The following WWP1 variants were observed in gnomAD, a reference collection of about 807,000 sequenced individuals.
WWP1 encodes WW domain containing E3 ubiquitin protein ligase 1, also known as NEDD4-like E3 ubiquitin-protein ligase WWP1.
WWP1 carries 49 observed loss-of-function variants against 130.6 expected under a neutral mutation model. The ratio of observed to expected loss-of-function variants is 0.38; its 90% CI spans 0.30 to 0.48. WWP1 has a LOEUF of 0.48. Ranked by LOEUF, WWP1 falls within the 20% of genes least tolerant of loss-of-function variation. The pLI is 0.99. For synonymous variants in WWP1, 332 were observed against 367.8 expected (o/e 0.90, Z 1.11); for missense variants, 809 against 1,100.6 (o/e 0.74, Z 3.75).
chr8:86,451,214 T>TAAAAAAAAAAAAAAAAAAAAAAAAAA (rs61141803), intron 20 of WWP1, among the ~76,000 whole-genome samples: 1 of 43,680 alleles, frequency 2.3e-5, no homozygotes, highest in Non-Finnish European at 4.2e-5. Flanking sequence ...CCTATGTTAT[T>TAAAAAAAAAAAAAAAAAAAAAAAAAA]AAAAAAAAAA....
At position 86,460,790 on chromosome 8, in the gene WWP1, C is replaced by CTT. The variant is rs59506795; in HGVS notation, c.2500-398_2500-397dup. Among the ~76,000 whole-genome samples the CTT allele has an allele frequency of 6.9e-3, 432 of 62,396 alleles. 120 individuals are homozygous for CTT. Among genetic ancestry groups the CTT allele is most frequent in the Middle Eastern group, 0.011 (1 of 88 alleles). The allele number at this position is 62,396 out of a possible 152,430, so 40.9% of individuals were successfully genotyped here. ...ACCCTACAACCTCTTTTTAGCACAT[C>CTT]TTTTTTTTTTTTTTTTTTTTTTTTT... is the stretch of plus-strand genomic sequence containing the variant. On this transcript the variant is annotated intron_variant, in intron 22 of 24. Coordinates refer to ENST00000517970, the MANE Select transcript of WWP1 (RefSeq NM_007013.4).
At chr8:86,342,994 T>TGA (rs1822308411) in intron 1 of WWP1, 64 bp downstream of exon 1, 1 of 307,982 alleles carries the variant, frequency 3.2e-6, no homozygotes, top group Admixed American at 5.1e-5. Flanking sequence ...GCACGGGCCC[T>TGA]GAGCCTTGGC....
In WWP1 at chr8:86,414,902, C is replaced by T. The variant is rs575163152; in HGVS notation, c.1061+3028C>T. Among the ~76,000 whole-genome samples the T allele has an allele frequency of 2.8e-3, 404 of 145,996 alleles. 1 individual carries two copies. The highest frequency in any genetic ancestry group is 9.4e-3 in the African/African-American group (367 of 39,098). ...AATCCCCCCCCCATCCCCCCACCCCCGCCCCTAAATAGCGATTAGGCAACT... is the reference window on the plus strand; with the variant it reads ...AATCCCCCCCCCATCCCCCCACCCCTGCCCCTAAATAGCGATTAGGCAACT... On this transcript the variant is annotated intron_variant, in intron 9 of 24. Transcript: ENST00000517970.
At chr8:86,392,176 C>A (rs1414000500) in intron 5 of WWP1, among the ~76,000 whole-genome samples, 1 of 152,122 alleles carries the variant, frequency 6.6e-6, no homozygotes, top group African/African-American at 2.4e-5. Context: ...TGGAGGAAAT[C>A]ATTTGTGCTG....
chr8:86,386,684 G>C (rs537146705), intron 5 of WWP1, among the ~76,000 whole-genome samples: 1 of 152,240 alleles, frequency 6.6e-6, no homozygotes, highest in South Asian at 2.1e-4. Context: ...ATATAAACTA[G>C]TTGTAATGAC....
chr8:86,432,779 T>G (rs917838595), intron 14 of WWP1, among the ~76,000 whole-genome samples: 1 of 152,096 alleles, frequency 6.6e-6, no homozygotes, highest in Non-Finnish European at 1.5e-5. Context: ...AGCTAATTTT[T>G]GTATTTTCAG....
chr8:86,401,894 A>C, intron 7 of WWP1, 125 bp from the exon 8 acceptor site: 1 of 975,278 alleles, frequency 1.0e-6, no homozygotes, highest in Non-Finnish European at 1.4e-6. Context: ...AATAGAATCT[A>C]AAAAATTTTA....
Position 86,435,452 on chromosome 8 carries a change from A to G in WWP1, c.1602A>G (p.Val534=). ...TTGGTTTATTTTTGTTTTTCTTTAG[A>G]ACTAAAGGTGGTCCACAAATTGCTT... The part of the protein sequence containing the change: ...FKDPRNGKSS[V]TKGGPQIAYE... Residue 534 remains valine (V), a splice_region_variant and synonymous_variant, in exon 15 of 25, where the codon GTA becomes GTG. Coordinates refer to ENST00000517970, the MANE Select transcript of WWP1 (RefSeq NM_007013.4). 1 of 1,614,058 alleles carries G rather than the reference A, an allele frequency of 6.2e-7. No homozygotes were observed. Among genetic ancestry groups the G allele is most frequent in the Middle Eastern group, 1.7e-4 (1 of 6,046 alleles).
chr8:86,360,209 G>A (rs889301048), intron 1 of WWP1, among the ~76,000 whole-genome samples: 2 of 151,340 alleles, frequency 1.3e-5, no homozygotes, highest in African/African-American at 4.9e-5. Flanking sequence ...GTTTCTCTTT[G>A]ATAGTCAAAA....
At chr8:86,383,335 C>G (rs1027532820) in intron 5 of WWP1, among the ~76,000 whole-genome samples, 1 of 152,186 alleles carries the variant, frequency 6.6e-6, no homozygotes, top group African/African-American at 2.4e-5. Flanking sequence ...TTATGTTAGA[C>G]TCTACTGAAC....
chr8:86,439,892 C>T (rs1810501570), intron 17 of WWP1, among the ~76,000 whole-genome samples: 1 of 152,160 alleles, frequency 6.6e-6, no homozygotes, highest in South Asian at 2.1e-4. Flanking sequence ...TACAGAATTA[C>T]AAAATCACAG....
chr8:86,457,957 G>T lies in WWP1; in HGVS notation c.2431G>T (p.Asp811Tyr). 6.2e-7 allele frequency: 1 copy of T among 1,613,102 alleles called. No individual in the cohort carries two copies. Among genetic ancestry groups the T allele is most frequent in the Non-Finnish European group, 8.5e-7 (1 of 1,179,232 alleles). ...LCGMQEVDLADWQRNTVYRHY... is the reference protein window; with the variant it reads ...LCGMQEVDLAYWQRNTVYRHY... ...TGGCATGCAGGAGGTTGACTTGGCA[G>T]ATTGGCAGAGAAATACTGTTTATCG... Residue 811 changes from aspartate to tyrosine, a missense_variant, in exon 22 of 25, where the codon GAT becomes TAT. Asp to Tyr is a radical substitution (Grantham distance 160). Transcript: ENST00000517970.
intron 22 of WWP1, among the ~76,000 whole-genome samples, chr8:86,460,559 A>T (rs1375385407): frequency 6.6e-6 from 1 of 152,152 alleles, no homozygotes; most frequent in Non-Finnish European, 1.5e-5. Context: ...ATTATATTAC[A>T]ACCCAACAAC....
intron 1 of WWP1, among the ~76,000 whole-genome samples, chr8:86,367,147 C>T (rs1824020134): frequency 6.6e-6 from 1 of 152,142 alleles, no homozygotes; most frequent in Non-Finnish European, 1.5e-5. Flanking sequence ...TATCTTGTTA[C>T]TGAGTTTTTT....
chr8:86,384,968 G>C (rs1027270127), intron 5 of WWP1, among the ~76,000 whole-genome samples: 44 of 151,340 alleles, frequency 2.9e-4, no homozygotes, highest in African/African-American at 1.0e-3. Flanking sequence ...TGGTTGCAGT[G>C]AGCCAAGATT....
chr8:86,345,444 C>T (rs1196251902), intron 1 of WWP1, among the ~76,000 whole-genome samples: 4 of 152,156 alleles, frequency 2.6e-5, no homozygotes, highest in South Asian at 2.1e-4. Context: ...TCTTTCACTC[C>T]TGTCCCTGTG....
intron 3 of WWP1, among the ~76,000 whole-genome samples, chr8:86,380,281 T>A (rs1160104532): frequency 6.6e-6 from 1 of 152,098 alleles, no homozygotes; most frequent in African/African-American, 2.4e-5. Context: ...ATTCCATCTA[T>A]ATGAAATGTC....
intron 10 of WWP1, 32 bp from the exon 11 acceptor site, chr8:86,427,611 G>A (rs201487600): frequency 2.0e-6 from 3 of 1,536,624 alleles, no homozygotes; most frequent in Non-Finnish European, 2.6e-6. Context: ...TATATTGAGA[G>A]ATTATTGTTT....
intron 14 of WWP1, 87 bp from the exon 15 acceptor site, chr8:86,435,365 G>T: frequency 7.3e-7 from 1 of 1,376,684 alleles, no homozygotes; most frequent in East Asian, 2.5e-5. Context: ...GTATTTTGTT[G>T]GACTTTAGTA....
Sources: gnomAD v4.1 joint callset for allele counts (sites outside exome capture counted in the v4.1 genomes callset) on GRCh38, gnomAD v4.1.1 for gene constraint, MANE v1.5 for transcripts, NCBI Gene and HGNC (gene_info 2026-07-23, HGNC 2026-07-21) for gene names.